The following SECISBP2 variants were observed in gnomAD, a reference collection of about 807,000 sequenced individuals.
SECISBP2 encodes the protein selenocysteine insertion sequence-binding protein 2.
SECISBP2 carries 96 observed loss-of-function variants against 98.2 expected under a neutral mutation model. The ratio of observed to expected loss-of-function variants is 0.98; its 90% CI spans 0.83 to 1.16. SECISBP2 has a LOEUF of 1.16. Among genes scored for constraint, SECISBP2 ranks in the 50% most tolerant of loss-of-function variants. SECISBP2 has a pLI of 0.00. For synonymous variants in SECISBP2, 407 were observed against 370.2 expected, an observed-to-expected ratio of 1.10 and a Z score of -1.14; for missense variants, 1,046 against 1,022.9, an observed-to-expected ratio of 1.02 and a Z score of -0.31.
chr9:89,364,444 C>G, downstream of SECISBP2: 1 of 221,948 alleles, frequency 4.5e-6, no homozygotes, highest in Non-Finnish European at 9.2e-6. Flanking sequence ...GAGGGCCTGT[C>G]TCTCCAATTG....
chr9:89,364,011 A>G, downstream of SECISBP2: 1 of 1,613,410 alleles, frequency 6.2e-7, no homozygotes, highest in Non-Finnish European at 8.5e-7. Context: ...AAGCTGCCCC[A>G]TGAGGGTGCA....
Position 89,338,584 on chromosome 9 carries a change from C to A in SECISBP2, c.1212+4C>A. 6.2e-7 allele frequency: 1 copy of A among 1,610,870 alleles called. No individual in the cohort carries two copies. The highest frequency in any genetic ancestry group is 8.5e-7 in the Non-Finnish European group (1 of 1,179,142). ...TCAAGAGCCTCCAAGGATTGAAGTA[C>A]ATTTATATTTTTTATTCACATGGTG... On this transcript the variant is annotated splice_donor_region_variant and intron_variant, in intron 8 of 16. Coordinates refer to ENST00000375807, the MANE Select transcript of SECISBP2 (RefSeq NM_024077.5).
intron 14 of SECISBP2, chr9:89,354,913 C>G: frequency 2.0e-6 from 2 of 985,362 alleles, no homozygotes; most frequent in Non-Finnish European, 2.4e-6. Flanking sequence ...GTAAGTATAC[C>G]TCAGGAATAC....
chr9:89,328,467 AT>A (rs1827155381), intron 4 of SECISBP2, among the ~76,000 whole-genome samples, 192 bp from the exon 5 acceptor site: 1 of 152,234 alleles, frequency 6.6e-6, no homozygotes. Flanking sequence ...AACCAGAGTG[AT>A]TGATACTTAT....
rs116088510 is a variant in SECISBP2 at position 89,351,529 on chromosome 9, G to A, written c.2113+677G>A. ...GACACCTGTCCTTCATCTCCATCTA[G>A]GCTAGGGAACACTCACAAGCCCCTC... On this transcript the variant is annotated intron_variant, in intron 14 of 16. Transcript: ENST00000375807. Among the ~76,000 whole-genome samples, 1,214 of 152,214 alleles carry A rather than the reference G, an allele frequency of 8.0e-3. 17 individuals are homozygous for A. The highest frequency in any genetic ancestry group is 0.028 in the African/African-American group (1,146 of 41,532).
In SECISBP2 at chr9:89,347,111, A is replaced by T. The variant is rs1447137605; in HGVS notation, c.1602+63A>T. 4 of 1,529,364 alleles carry T rather than the reference A, an allele frequency of 2.6e-6. No homozygotes were observed. The African/African-American group carries it at 5.4e-5, about 21-fold the overall frequency. 94.7% of individuals were successfully genotyped at this position (1,529,364 alleles called of 1,614,324 possible). On this transcript the variant is annotated intron_variant, in intron 11 of 16. Coordinates refer to ENST00000375807, the MANE Select transcript of SECISBP2 (RefSeq NM_024077.5). ...AACTTAGTCTCACATTTCCATAGTT[A>T]TTCTCCCAGCTCTTAGATTTTTAGA...
chr9:89,339,838 G>C, intron 8 of SECISBP2, 26 bp from the exon 9 acceptor site: 1 of 1,541,568 alleles, frequency 6.5e-7, no homozygotes, highest in South Asian at 1.1e-5. Flanking sequence ...TAACAAAAGA[G>C]CTAAAGGGGT....
chr9:89,342,199 A>T (rs890386333), intron 10 of SECISBP2, among the ~76,000 whole-genome samples: 2 of 152,278 alleles, frequency 1.3e-5, no homozygotes, highest in African/African-American at 4.8e-5. Flanking sequence ...ATCATTAGTC[A>T]TCAGGGAAAT....
intron 1 of SECISBP2, 164 bp downstream of exon 1, chr9:89,318,776 C>T: frequency 9.6e-6 from 12 of 1,250,464 alleles, no homozygotes; most frequent in Non-Finnish European, 1.2e-5. Context: ...CGCCCCGCCT[C>T]GGGTCCGCCT....
intron 10 of SECISBP2, among the ~76,000 whole-genome samples, chr9:89,345,494 C>T (rs1203250951): frequency 6.6e-6 from 1 of 152,220 alleles, no homozygotes; most frequent in Non-Finnish European, 1.5e-5. Context: ...GGAGTAAGCA[C>T]TCTTCGGTTT....
At chr9:89,346,818 G>A (rs1021386711) in intron 10 of SECISBP2, 64 bp from the exon 11 acceptor site, 9 of 1,604,508 alleles carry the variant, frequency 5.6e-6, no homozygotes, top group African/African-American at 4.0e-5. Flanking sequence ...GGCGAGCTGC[G>A]ATCCAAGAGC....
intron 10 of SECISBP2, among the ~76,000 whole-genome samples, chr9:89,341,831 A>C (rs937654136): frequency 3.3e-5 from 5 of 152,230 alleles, no homozygotes; most frequent in South Asian, 4.1e-4. Context: ...TAAATATAAG[A>C]GCTAAAACTA....
chr9:89,363,644 C>T (rs1003866267), downstream of SECISBP2: 9 of 1,588,896 alleles, frequency 5.7e-6, no homozygotes, highest in Admixed American at 3.4e-5. Flanking sequence ...AGAATGCCAC[C>T]GTGCAAGCAT....
At chr9:89,334,997 G>A (rs1318670564) in intron 7 of SECISBP2, among the ~76,000 whole-genome samples, 7 of 152,096 alleles carry the variant, frequency 4.6e-5, no homozygotes, top group African/African-American at 1.2e-4. Context: ...GGCAGATCAC[G>A]AGGTCAGGAG....
At chr9:89,359,869 C>T (rs926962536), downstream of SECISBP2, among the ~76,000 whole-genome samples, 1 of 152,180 alleles carries the variant, frequency 6.6e-6, no homozygotes, top group Non-Finnish European at 1.5e-5. Flanking sequence ...TCAATCCCAA[C>T]CTGCACTTGC....
In SECISBP2 at chr9:89,358,904, C is replaced by T. The variant is rs2132110786; in HGVS notation, c.*80C>T. The T allele has an allele frequency of 1.2e-6, 1 of 840,636 alleles. No homozygotes were observed. The highest frequency in any genetic ancestry group is 2.6e-5 in the East Asian group (1 of 38,526). 52.1% of individuals were successfully genotyped at this position (840,636 alleles called of 1,614,324 possible). A position where few individuals can be genotyped will look rare whatever the true frequency, so the allele number is the denominator to read the frequency against. ...CTTTGGGGCTTTTTCTTCTGTTTTTCATGACAATGTAATTTGTGTAACTGT... is the reference window on the plus strand; with the variant it reads ...CTTTGGGGCTTTTTCTTCTGTTTTTTATGACAATGTAATTTGTGTAACTGT... On this transcript the variant is annotated 3_prime_UTR_variant, in exon 17 of 17. Coordinates refer to ENST00000375807, the MANE Select transcript of SECISBP2 (RefSeq NM_024077.5).
At chr9:89,335,435 C>A (rs1828500748) in intron 7 of SECISBP2, among the ~76,000 whole-genome samples, 1 of 151,950 alleles carries the variant, frequency 6.6e-6, no homozygotes, top group Non-Finnish European at 1.5e-5. Flanking sequence ...CAGGCTCAAG[C>A]AATTCTCCTG....
At chr9:89,356,675 C>G (rs544063242) in intron 14 of SECISBP2, 1 of 151,594 alleles carries the variant, frequency 6.6e-6, no homozygotes, top group East Asian at 1.9e-4. Context: ...TACTATGTTG[C>G]GTAGGCTGGT....
chr9:89,348,813 C>T (rs1008164317), intron 12 of SECISBP2, among the ~76,000 whole-genome samples: 1 of 152,266 alleles, frequency 6.6e-6, no homozygotes, highest in Non-Finnish European at 1.5e-5. Flanking sequence ...ACGTGCTGCT[C>T]TCTTTGTCCC....
Sources: allele counts gnomAD v4.1 joint callset (sites outside exome capture counted in the v4.1 genomes callset), GRCh38; gene constraint gnomAD v4.1.1; transcripts MANE v1.5; gene names NCBI Gene and HGNC (gene_info 2026-07-23, HGNC 2026-07-21).